Variants in EHBP1 observed in about 807,000 individuals in gnomAD.
EHBP1 encodes the protein EH domain binding protein 1.
In EHBP1, 55 loss-of-function variants were observed where a neutral mutation model predicts 144.0. The observed-to-expected ratio is 0.38, with a 90% CI of 0.31 to 0.48. The LOEUF (loss-of-function observed/expected upper bound fraction) is 0.48, where lower values mean the gene tolerates loss of function less well. Among genes scored for constraint, EHBP1 ranks in the 20% least tolerant of loss-of-function variants. The probability of loss-of-function intolerance (pLI) is 0.98; values close to 1 mark genes in which losing one functional copy is unlikely to be tolerated. For missense variants in EHBP1, 1,200 were observed against 1,364.2 expected, an observed-to-expected ratio of 0.88 and a Z score of 1.90; for synonymous variants, 469 against 472.7, an observed-to-expected ratio of 0.99 and a Z score of 0.10.
At chr2:62,691,357 A>G (rs2033898540) in intron 1 of EHBP1, among the ~76,000 whole-genome samples, 1 of 152,136 alleles carries the variant, frequency 6.6e-6, no homozygotes, top group Non-Finnish European at 1.5e-5. Flanking sequence ...CTAAAGCTCT[A>G]GCCAACCCAT....
chr2:62,831,731 A>T (rs992383465), intron 7 of EHBP1, among the ~76,000 whole-genome samples: 6 of 152,218 alleles, frequency 3.9e-5, no homozygotes, highest in Non-Finnish European at 8.8e-5. Flanking sequence ...CACTTAAGCA[A>T]TTGATGTCAT....
At chr2:62,709,359 G>A (rs1022234379) in intron 2 of EHBP1, among the ~76,000 whole-genome samples, 5 of 152,114 alleles carry the variant, frequency 3.3e-5, no homozygotes, top group Admixed American at 1.3e-4. Context: ...GGAGAAGGTC[G>A]TGATTATAGG....
At chr2:62,765,703 G>A (rs532324872) in intron 4 of EHBP1, among the ~76,000 whole-genome samples, 2 of 152,244 alleles carry the variant, frequency 1.3e-5, no homozygotes, top group South Asian at 4.1e-4. Context: ...GGGACATGGT[G>A]TTGCTCAGTA....
chr2:62,794,524 C>T (rs1283168448), intron 5 of EHBP1, among the ~76,000 whole-genome samples: 1 of 151,876 alleles, frequency 6.6e-6, no homozygotes, highest in Admixed American at 6.6e-5. Context: ...CTTTAAGTGA[C>T]TATGTGTCAG....
At chr2:62,966,288 C>G (rs866030756) in intron 14 of EHBP1, among the ~76,000 whole-genome samples, 1 of 152,080 alleles carries the variant, frequency 6.6e-6, no homozygotes, top group African/African-American at 2.4e-5. Context: ...TTTTTTCCCC[C>G]TATTTCAGAA....
chr2:62,842,236 G>A (rs1263293211), intron 7 of EHBP1, among the ~76,000 whole-genome samples: 1 of 152,062 alleles, frequency 6.6e-6, no homozygotes, highest in Non-Finnish European at 1.5e-5. Flanking sequence ...ACAGGCGTGT[G>A]CCACCACACT....
intron 7 of EHBP1, among the ~76,000 whole-genome samples, chr2:62,836,787 G>GA (rs2047297924): frequency 1.4e-5 from 2 of 148,026 alleles, no homozygotes; most frequent in Admixed American, 6.8e-5. Context: ...GAAGTTTAGA[G>GA]AAAAAAGAAT....
At chr2:62,674,069 C>A (rs754651431) in exon 1 of EHBP1, 8 of 471,038 alleles carry the variant, frequency 1.7e-5, no homozygotes, top group South Asian at 7.7e-5. Flanking sequence ...AACCACCTAA[C>A]CAGTGATTTT....
intron 2 of EHBP1, among the ~76,000 whole-genome samples, chr2:62,734,133 T>G (rs940866694): frequency 1.3e-5 from 2 of 152,186 alleles, no homozygotes; most frequent in Non-Finnish European, 2.9e-5. Flanking sequence ...ACCAGTGTCT[T>G]ATATTGCAAA....
intron 19 of EHBP1, among the ~76,000 whole-genome samples, chr2:62,997,080 A>G (rs1274089887): frequency 6.6e-6 from 1 of 151,972 alleles, no homozygotes; most frequent in Non-Finnish European, 1.5e-5. Flanking sequence ...TTACTGTTCT[A>G]CTGATTCATT....
chr2:63,012,451 C>G (rs1305876506), intron 19 of EHBP1, among the ~76,000 whole-genome samples: 1 of 151,922 alleles, frequency 6.6e-6, no homozygotes, highest in Admixed American at 6.6e-5. Context: ...TATATAATAG[C>G]TAATAATAAA....
At chr2:62,697,228 A>G (rs1350008730) in intron 1 of EHBP1, among the ~76,000 whole-genome samples, 4 of 152,272 alleles carry the variant, frequency 2.6e-5, no homozygotes, top group Non-Finnish European at 5.9e-5. Flanking sequence ...ACTTAAAAAA[A>G]TCAATGTCTC....
In EHBP1 at chr2:62,988,321, T is replaced by G. The variant is rs565472760; in HGVS notation, c.2609-2395T>G. On this transcript the variant is annotated intron_variant, in intron 15 of 22. Coordinates refer to ENST00000431489, the MANE Select transcript of EHBP1 (RefSeq NM_001142616.3). ...GTTATGTGAGATAATCTGTAGGTTTTCAATAGCTGGTTCCCTTCTCAGCTT... is the reference window on the plus strand; with the variant it reads ...GTTATGTGAGATAATCTGTAGGTTTGCAATAGCTGGTTCCCTTCTCAGCTT... 1.6e-4 allele frequency among the ~76,000 whole-genome samples: 25 copies of G among 152,256 alleles called. 1 individual carries two copies. The South Asian group carries it at 5.0e-3, about 30-fold the overall frequency.
intron 3 of EHBP1, among the ~76,000 whole-genome samples, chr2:62,761,196 G>A (rs1573196880): frequency 6.6e-6 from 1 of 152,056 alleles, no homozygotes. Context: ...TGTTTACTTT[G>A]TGGAGTTTTT....
chr2:62,826,304 G>T (rs745523478), intron 6 of EHBP1, 36 bp downstream of exon 6: 3 of 1,540,116 alleles, frequency 1.9e-6, no homozygotes, highest in South Asian at 2.6e-5. Context: ...TCCTTACATT[G>T]TGTTTCAGTA....
chr2:62,922,443 A>G (rs560272759), intron 10 of EHBP1, among the ~76,000 whole-genome samples: 1 of 152,344 alleles, frequency 6.6e-6, no homozygotes, highest in South Asian at 2.1e-4. Flanking sequence ...ATTGCTGTCT[A>G]CAGGAGACTC....
intron 2 of EHBP1, among the ~76,000 whole-genome samples, chr2:62,729,426 TATA>T (rs1480224667): frequency 0.024 from 2,147 of 89,118 alleles, 38 homozygotes; most frequent in Non-Finnish European, 0.037. Flanking sequence ...AATAATATAA[TATA>T]ATAATAATAA....
In EHBP1 at chr2:62,948,358, T is replaced by C. The variant is rs919837397; in HGVS notation, c.1512T>C (p.Tyr504=). ...AIPDKLTVMT[Y]LYQIRAHFSG... ...CTGATAAACTGACTGTTATGACTTA[T>C]CTCTATCAAATAAGGGCACATTTCA... The change falls in exon 13 of 23, where the codon TAT becomes TAC. Residue 504 remains tyrosine, a synonymous_variant. Transcript: ENST00000431489. 9 of 1,613,868 alleles carry C rather than the reference T, an allele frequency of 5.6e-6. No individual in the cohort carries two copies. The highest frequency in any genetic ancestry group is 2.2e-5 in the South Asian group (2 of 91,014).
intron 15 of EHBP1, among the ~76,000 whole-genome samples, chr2:62,987,639 T>C (rs2059252179): frequency 6.6e-6 from 1 of 152,148 alleles, no homozygotes; most frequent in African/African-American, 2.4e-5. Flanking sequence ...GATTACACTT[T>C]AAAATACAGG....
Sources: gnomAD v4.1 joint callset for allele counts (sites outside exome capture counted in the v4.1 genomes callset) on GRCh38, gnomAD v4.1.1 for gene constraint, MANE v1.5 for transcripts, NCBI Gene and HGNC (gene_info 2026-07-23, HGNC 2026-07-21) for gene names.